Variants in USP9X observed in about 807,000 individuals in gnomAD.
The protein encoded by USP9X is ubiquitin specific peptidase 9 X-linked, also known as ubiquitin carboxyl-terminal hydrolase 9X.
Under a neutral mutation model 190.3 loss-of-function variants are expected in USP9X, and 7 were observed. The observed-to-expected ratio is 0.04, with a 90% CI of 0.02 to 0.07. The LOEUF is 0.07. USP9X is among the 10% of genes least tolerant of loss of function. USP9X has a pLI of 1.00. For synonymous variants in USP9X, 645 were observed against 659.5 expected (o/e 0.98, Z 0.34); for missense variants, 1,010 against 1,916.9 (o/e 0.53, Z 8.83).
intron 11 of USP9X, among the ~76,000 whole-genome samples, chrX:41,147,383 T>C (rs1422812831): frequency 1.8e-5 from 2 of 109,736 alleles, no homozygotes; most frequent in African/African-American, 6.6e-5. Context: ...GGCATTCACA[T>C]CATCTTTGAA....
chrX:41,136,003 T>C (rs2062369792), intron 5 of USP9X, among the ~76,000 whole-genome samples: 1 of 111,795 alleles, frequency 8.9e-6, no homozygotes, highest in Non-Finnish European at 1.9e-5. Context: ...CTATAACCTA[T>C]TTCCCAAATA....
chrX:41,174,597 A>T (rs764464452), intron 21 of USP9X, among the ~76,000 whole-genome samples: 1 of 112,132 alleles, frequency 8.9e-6, no homozygotes, highest in Non-Finnish European at 1.9e-5. Flanking sequence ...CAATGCTTCC[A>T]GTCAGATAGT....
chrX:41,086,416 G>A (rs1347786913), intron 1 of USP9X, among the ~76,000 whole-genome samples: 2 of 112,190 alleles, frequency 1.8e-5, no homozygotes, highest in African/African-American at 3.2e-5. Context: ...CGAGTAGGAG[G>A]ATGGAGTCTC....
At chrX:41,124,355 G>A (rs189856826) in intron 2 of USP9X, among the ~76,000 whole-genome samples, 1 of 109,485 alleles carries the variant, frequency 9.1e-6, no homozygotes, top group African/African-American at 3.3e-5. Context: ...TGAGGCAGAA[G>A]AATCCCTTGA....
At chrX:41,124,260 A>G (rs927450065) in intron 2 of USP9X, among the ~76,000 whole-genome samples, 2 of 110,749 alleles carry the variant, frequency 1.8e-5, no homozygotes, top group Non-Finnish European at 3.8e-5. Context: ...CCTGGCCAAT[A>G]TGGTGAAACC....
intron 37 of USP9X, 67 bp downstream of exon 37, chrX:41,218,664 A>G (rs2063234152): frequency 1.9e-6 from 2 of 1,036,618 alleles, no homozygotes; most frequent in Non-Finnish European, 2.7e-6. Flanking sequence ...CTGGAAGTCG[A>G]AGTCACAAGC....
At chrX:41,106,058 T>G (rs2062066315) in intron 1 of USP9X, among the ~76,000 whole-genome samples, 1 of 112,255 alleles carries the variant, frequency 8.9e-6, no homozygotes, top group Non-Finnish European at 1.9e-5. Context: ...TAAATGTTTT[T>G]CTTGTAATTT....
At chrX:41,197,573 T>C in intron 29 of USP9X, 63 bp downstream of exon 29, 1 of 987,666 alleles carries the variant, frequency 1.0e-6, no homozygotes, top group Non-Finnish European at 1.4e-6. Flanking sequence ...TATAATCAAA[T>C]TTAATTAATT....
At chrX:41,089,903 G>GTTTTTTTTTTTTTTTTTTTTTT (rs139093155) in intron 1 of USP9X, among the ~76,000 whole-genome samples, 1 of 30,326 alleles carries the variant, frequency 3.3e-5, no homozygotes, top group African/African-American at 1.4e-4. Flanking sequence ...ATCTATGAGG[G>GTTTTTTTTTTTTTTTTTTTTTT]TTTTTTTTTT....
intron 3 of USP9X, among the ~76,000 whole-genome samples, chrX:41,130,433 G>T (rs1160505015): frequency 9.1e-6 from 1 of 109,480 alleles, no homozygotes; most frequent in East Asian, 2.8e-4. Flanking sequence ...CAAGTTCTCA[G>T]GGGGGAGAAA....
chrX:41,232,819 TGAG>T lies in USP9X; in HGVS notation c.*296_*298del. On this transcript the variant is annotated 3_prime_UTR_variant, in exon 45 of 45. Transcript: ENST00000378308. The stretch of plus-strand genomic sequence containing the variant: ...CTTAAGCAAGAAACTTTTTTCTTGA[TGAG>T]ACTCACAGATCTACACAAACTACAA... 1 of 106,008 alleles carries T rather than the reference TGAG, an allele frequency of 9.4e-6. No homozygotes were observed. The highest frequency in any genetic ancestry group is 1.8e-5 in the Non-Finnish European group (1 of 54,405). 8.7% of individuals were successfully genotyped at this position (106,008 alleles called of 1,213,427 possible).
intron 26 of USP9X, chrX:41,189,813 GT>G (rs59283142): frequency 0.13 from 16,866 of 132,338 alleles, 1,028 homozygotes; most frequent in East Asian, 0.22. Context: ...TAGATGCCAG[GT>G]TTTTTTTAAA....
chrX:41,152,612 C>CA (rs1022231899), intron 13 of USP9X, among the ~76,000 whole-genome samples: 1 of 111,145 alleles, frequency 9.0e-6, no homozygotes, highest in Non-Finnish European at 1.9e-5. Context: ...GCTAGTCTTG[C>CA]AAAAAATGTT....
At chrX:41,212,035 G>GAA (rs1227753355) in intron 33 of USP9X, among the ~76,000 whole-genome samples, 1 of 112,917 alleles carries the variant, frequency 8.9e-6, no homozygotes, top group Non-Finnish European at 1.9e-5. Context: ...GAAAGGTGGG[G>GAA]AAAAGATTGA....
chrX:41,104,868 G>A (rs774477159), intron 1 of USP9X, among the ~76,000 whole-genome samples: 1 of 111,355 alleles, frequency 9.0e-6, no homozygotes, highest in South Asian at 3.7e-4. Context: ...ATGCATTGTT[G>A]AAAACCTCAT....
intron 1 of USP9X, among the ~76,000 whole-genome samples, chrX:41,088,739 T>C (rs1334857192): frequency 9.0e-6 from 1 of 111,488 alleles, no homozygotes; most frequent in East Asian, 2.8e-4. Context: ...CTTGTAGGTA[T>C]GTTTTCTGAG....
intron 6 of USP9X, among the ~76,000 whole-genome samples, chrX:41,140,373 G>A: frequency 9.0e-6 from 1 of 111,346 alleles, no homozygotes; most frequent in Non-Finnish European, 1.9e-5. Context: ...CTTATATGGT[G>A]GGATATCTGA....
intron 21 of USP9X, among the ~76,000 whole-genome samples, chrX:41,181,881 T>C (rs2062830309): frequency 9.0e-6 from 1 of 111,670 alleles, no homozygotes; most frequent in African/African-American, 3.3e-5. Context: ...TTCAAAAGGC[T>C]AGAAAGAAAC....
intron 2 of USP9X, among the ~76,000 whole-genome samples, chrX:41,124,810 CTA>C (rs1286631337): frequency 1.8e-5 from 2 of 111,946 alleles, no homozygotes; most frequent in African/African-American, 6.5e-5. Flanking sequence ...TATATAACCT[CTA>C]AGCCTCAGTT....
Sources: allele counts gnomAD v4.1 joint callset (sites outside exome capture counted in the v4.1 genomes callset), GRCh38; gene constraint gnomAD v4.1.1; transcripts MANE v1.5; gene names NCBI Gene and HGNC (gene_info 2026-07-23, HGNC 2026-07-21).